The following SCP2 variants were observed in gnomAD, a reference collection of about 807,000 sequenced individuals.
SCP2 encodes SCP-2/3-oxoacyl-CoA thiolase.
SCP2 carries 48 observed loss-of-function variants against 71.4 expected under a neutral mutation model. The observed-to-expected ratio is 0.67, with a 90% confidence interval of 0.53 to 0.86. SCP2 has a LOEUF of 0.86. Among genes scored for constraint, SCP2 ranks in the 40% least tolerant of loss-of-function variants. The probability of loss-of-function intolerance (pLI) is 0.00; values close to 1 mark genes in which losing one functional copy is unlikely to be tolerated. For missense variants in SCP2, 560 were observed against 655.6 expected, an observed-to-expected ratio of 0.85 and a Z score of 1.59; for synonymous variants, 220 against 218.1, an observed-to-expected ratio of 1.01 and a Z score of -0.08.
intron 8 of SCP2, 74 bp from the exon 9 acceptor site, chr1:52,978,143 A>G: frequency 6.9e-7 from 1 of 1,446,164 alleles, no homozygotes; most frequent in South Asian, 1.1e-5. Flanking sequence ...CCTTTCACAT[A>G]GAAGTAACTC....
intron 5 of SCP2, 70 bp downstream of exon 5, chr1:52,954,874 T>C (rs751417031): frequency 6.7e-6 from 7 of 1,042,998 alleles, no homozygotes; most frequent in Non-Finnish European, 1.1e-5. Context: ...GATACTTACA[T>C]GTATGCATAG....
intron 3 of SCP2, 40 bp downstream of exon 3, chr1:52,948,120 A>G (rs758418451): frequency 3.0e-5 from 37 of 1,249,562 alleles, no homozygotes; most frequent in Non-Finnish European, 4.4e-5. Flanking sequence ...TTTTTACCTA[A>G]ATCTAGCAGC....
At chr1:52,976,650 A>T in intron 7 of SCP2, 33 bp from the exon 8 acceptor site, 1 of 1,075,206 alleles carries the variant, frequency 9.3e-7, no homozygotes, top group Non-Finnish European at 1.5e-6. Context: ...TTGCTATCTC[A>T]CATTCTGTAA....
At chr1:52,943,786 G>A (rs992949915) in intron 2 of SCP2, 3 of 447,706 alleles carry the variant, frequency 6.7e-6, no homozygotes, top group South Asian at 3.6e-5. Flanking sequence ...TGATTTCACC[G>A]AGTGCCACAG....
chr1:53,004,853 T>C (rs562755090), intron 11 of SCP2, among the ~76,000 whole-genome samples: 106 of 152,160 alleles, frequency 7.0e-4, no homozygotes, highest in Non-Finnish European at 1.3e-3. Flanking sequence ...GTGCAAGAGG[T>C]TGGGGAATTC....
chr1:52,996,163 G>A (rs1659927783), intron 11 of SCP2: 1 of 399,438 alleles, frequency 2.5e-6, no homozygotes, highest in Non-Finnish European at 4.4e-6. Flanking sequence ...CACGTAGTAG[G>A]CACTCAATAA....
chr1:53,037,906 A>G (rs1046946853), intron 13 of SCP2, among the ~76,000 whole-genome samples: 49 of 127,530 alleles, frequency 3.8e-4, no homozygotes, highest in African/African-American at 1.5e-3. Context: ...ACACACACAC[A>G]CACACACACA....
At chr1:52,970,897 G>C (rs1250349627) in intron 6 of SCP2, among the ~76,000 whole-genome samples, 1 of 150,076 alleles carries the variant, frequency 6.7e-6, no homozygotes, top group South Asian at 2.1e-4. Context: ...GTTATGCTGA[G>C]AGTATGATTT....
At chr1:53,031,879 A>G (rs928081016) in intron 13 of SCP2, among the ~76,000 whole-genome samples, 18 of 152,220 alleles carry the variant, frequency 1.2e-4, no homozygotes, top group Admixed American at 1.1e-3. Flanking sequence ...TCAAGTATGC[A>G]GGTAGAATTT....
At chr1:52,945,483 C>T (rs1438948596) in intron 2 of SCP2, among the ~76,000 whole-genome samples, 5 of 152,154 alleles carry the variant, frequency 3.3e-5, no homozygotes, top group Non-Finnish European at 7.3e-5. Context: ...AGGCAGATCA[C>T]CTGAGGTCAA....
intron 1 of SCP2, among the ~76,000 whole-genome samples, chr1:52,934,318 T>A (rs1272734554): frequency 2.0e-5 from 3 of 151,404 alleles, no homozygotes; most frequent in African/African-American, 7.3e-5. Flanking sequence ...TATTAAAAAT[T>A]TTTTTTTTGT....
intron 9 of SCP2, 56 bp from the exon 10 acceptor site, chr1:52,980,340 C>T: frequency 6.6e-7 from 1 of 1,513,036 alleles, no homozygotes; most frequent in Non-Finnish European, 9.1e-7. Context: ...TCTTAAAATA[C>T]TTGTTTAAAA....
intron 11 of SCP2, chr1:52,993,796 G>A (rs979747010): frequency 5.2e-5 from 81 of 1,546,976 alleles, no homozygotes; most frequent in Non-Finnish European, 6.3e-5. Flanking sequence ...CCAGCACCAA[G>A]AGGTAATCAA....
chr1:52,987,916 G>GT (rs1659140808), intron 10 of SCP2, 113 bp from the exon 11 acceptor site: 1 of 699,954 alleles, frequency 1.4e-6, no homozygotes, highest in Middle Eastern at 3.8e-4. Flanking sequence ...AGTTTGAACT[G>GT]TTAAGAAATA....
At chr1:52,988,414 G>A (rs1659181170) in intron 11 of SCP2, among the ~76,000 whole-genome samples, 1 of 152,130 alleles carries the variant, frequency 6.6e-6, no homozygotes, top group Non-Finnish European at 1.5e-5. Context: ...TTTGAAATGA[G>A]CATGTTATTT....
At chr1:53,047,042 A>G (rs545193503) in intron 14 of SCP2, among the ~76,000 whole-genome samples, 1 of 152,312 alleles carries the variant, frequency 6.6e-6, no homozygotes, top group South Asian at 2.1e-4. Context: ...GGAGGCTTCA[A>G]TGGGGAAGGA....
In SCP2 at chr1:52,961,626, T is replaced by C; in HGVS notation, c.520T>C (p.Tyr174His). 1.9e-6 allele frequency: 3 copies of C among 1,613,628 alleles called. No homozygotes were observed. The South Asian group carries it at 3.3e-5, about 18-fold the overall frequency. The change falls in exon 6 of 16, where the codon TAT becomes CAT. Residue 174 changes from tyrosine (Y) to histidine (H), a missense_variant. By Grantham distance (83) the Tyr-to-His change is moderately conservative (BLOSUM62 2). Coordinates refer to ENST00000371514, the MANE Select transcript of SCP2 (RefSeq NM_002979.5). ...GYAGKEHMEK[Y>H]GTKIEHFAKI... ...TGCTGGAAAAGAACATATGGAAAAATATGGTATGTTACAGTTAAAAAACTT... is the reference window on the plus strand; with the variant it reads ...TGCTGGAAAAGAACATATGGAAAAACATGGTATGTTACAGTTAAAAAACTT...
At chr1:53,032,486 G>A (rs1434602970) in intron 13 of SCP2, among the ~76,000 whole-genome samples, 1 of 152,200 alleles carries the variant, frequency 6.6e-6, no homozygotes, top group African/African-American at 2.4e-5. Context: ...GGGAGTAGAG[G>A]CTAGGAAGAA....
chr1:52,967,667 T>C (rs1161067462), intron 6 of SCP2, among the ~76,000 whole-genome samples: 1 of 152,034 alleles, frequency 6.6e-6, no homozygotes, highest in African/African-American at 2.4e-5. Flanking sequence ...AAGATCTGTT[T>C]TGAAAGAAGG....
Sources: gnomAD v4.1 joint callset for allele counts (sites outside exome capture counted in the v4.1 genomes callset) on GRCh38, gnomAD v4.1.1 for gene constraint, MANE v1.5 for transcripts, NCBI Gene and HGNC (gene_info 2026-07-23, HGNC 2026-07-21) for gene names.